GPR183: variants seen among roughly 807,000 people sequenced by gnomAD.
The protein encoded by GPR183 is EBV-induced G-protein coupled receptor 2.
A neutral mutation model predicts 19.7 loss-of-function variants in GPR183; 9 were observed. The observed-to-expected ratio is 0.46, with a 90% CI of 0.28 to 0.80. GPR183 has a LOEUF of 0.80. GPR183 is among the 30% of genes least tolerant of loss of function. The probability of loss-of-function intolerance (pLI) is 0.13; values close to 1 mark genes in which losing one functional copy is unlikely to be tolerated. For synonymous variants in GPR183, 160 were observed against 155.1 expected, an observed-to-expected ratio of 1.03 and a Z score of -0.24; for missense variants, 368 against 446.7, an observed-to-expected ratio of 0.82 and a Z score of 1.59.
chr13:99,295,051 C>A lies in GPR183; in HGVS notation c.*9G>T, dbSNP rs1463792498. ...GTTTACGTCACTATAAACCAAAATA[C>A]AATCCATTTCACTTTCCATTTGAAG... On this transcript the variant is annotated 3_prime_UTR_variant, in exon 2 of 2. Coordinates refer to ENST00000376414, the MANE Select transcript of GPR183 (RefSeq NM_004951.5). This position sits in a 1 kb window ranked among gnomAD's most constrained non-coding sequence, Gnocchi z 4.1. The A allele has an allele frequency of 1.9e-6, 3 of 1,609,510 alleles. No individual in the cohort carries two copies. Among genetic ancestry groups the A allele is most frequent in the Non-Finnish European group, 2.5e-6 (3 of 1,177,772 alleles).
In GPR183 at chr13:99,296,060, G is replaced by A. The variant is rs200374704; in HGVS notation, c.86C>T (p.Thr29Met). Residue 29 changes from threonine to methionine, a missense_variant, in exon 2 of 2, where the codon ACG becomes ATG. Transcript: ENST00000376414. The stretch of plus-strand genomic sequence containing the variant: ...ATGCAGAGGCATTACTATCCTGGCC[G>A]TGCTGTGATGTGCATAGAGGTCACA... ...NDCDLYAHHS[T>M]ARIVMPLHYS... 1.9e-4 allele frequency: 313 copies of A among 1,614,004 alleles called. No individual in the cohort carries two copies. The East Asian group carries it at 5.8e-3, about 30-fold the overall frequency.
intron 1 of GPR183, among the ~76,000 whole-genome samples, chr13:99,299,116 G>A (rs904097324): frequency 6.6e-6 from 1 of 152,138 alleles, no homozygotes; most frequent in African/African-American, 2.4e-5. Flanking sequence ...ACACTCAGAG[G>A]TGCCATTGCT....
chr13:99,303,786 C>T (rs1031320378), intron 1 of GPR183, among the ~76,000 whole-genome samples: 1 of 152,136 alleles, frequency 6.6e-6, no homozygotes, highest in African/African-American at 2.4e-5. Flanking sequence ...TAGGGAGGAA[C>T]ATTAAATATC....
At position 99,295,594 on chromosome 13, in the gene GPR183, A is replaced by G. The variant is rs1439949395; in HGVS notation, c.552T>C (p.Tyr184=). The change falls in exon 2 of 2, where the codon TAT becomes TAC. Residue 184 remains tyrosine (Y), a synonymous_variant. Coordinates refer to ENST00000376414, the MANE Select transcript of GPR183 (RefSeq NM_004951.5). This position sits in a 1 kb window ranked among gnomAD's most constrained non-coding sequence, Gnocchi z 4.1. ...GAGATTTAGTTTCTTCAAAGTTTGG[A>G]TACTCCATGCATGTAATCCTTTCAG... ...QEAERITCME[Y]PNFEETKSLP... 2.5e-6 allele frequency: 4 copies of G among 1,614,084 alleles called. No homozygotes were observed. The highest frequency in any genetic ancestry group is 2.5e-6 in the Non-Finnish European group (3 of 1,180,016).
Position 99,295,386 on chromosome 13 carries a change from C to T in GPR183, c.760G>A (p.Val254Ile), listed in dbSNP as rs911224124. 1.2e-6 allele frequency: 2 copies of T among 1,614,004 alleles called. No individual in the cohort carries two copies. Among genetic ancestry groups the T allele is most frequent in the South Asian group, 2.2e-5 (2 of 91,070 alleles). The change falls in exon 2 of 2, where the codon GTT becomes ATT. Residue 254 changes from valine to isoleucine, a missense_variant. Val to Ile is a conservative substitution (Grantham distance 29). Transcript: ENST00000376414. This position sits in a 1 kb window ranked among gnomAD's most constrained non-coding sequence, Gnocchi z 4.1. ...ACATGGTAAGGTGTGAAACAGAGAACAAACACAACAATAATAAGAATAATT... is the reference window on the plus strand; with the variant it reads ...ACATGGTAAGGTGTGAAACAGAGAATAAACACAACAATAATAAGAATAATT... ...NTIILIIVVF[V>I]LCFTPYHVAI...
intron 1 of GPR183, among the ~76,000 whole-genome samples, chr13:99,299,899 G>A (rs1443483330): frequency 1.3e-5 from 2 of 152,118 alleles, no homozygotes; most frequent in South Asian, 2.1e-4. Flanking sequence ...TAAAAGCCAC[G>A]CTGGGCTTAA....
chr13:99,300,002 A>G (rs1201546954), intron 1 of GPR183, among the ~76,000 whole-genome samples: 2 of 152,176 alleles, frequency 1.3e-5, no homozygotes, highest in Admixed American at 1.3e-4. Flanking sequence ...TGCTGCCCTT[A>G]AAGAACTGAG....
chr13:99,295,232 G>A lies in GPR183; in HGVS notation c.914C>T (p.Pro305Leu). The change falls in exon 2 of 2, where the codon CCT becomes CTT. Residue 305 changes from proline (P) to leucine (L), a missense_variant. By Grantham distance (98) the Pro-to-Leu change is moderately conservative (BLOSUM62 -3). Coordinates refer to ENST00000376414, the MANE Select transcript of GPR183 (RefSeq NM_004951.5). The surrounding 1 kb of genome is among the most constrained non-coding windows in gnomAD (Gnocchi z 4.1). ...TTTACATGCAAAGAAGTAGATAAAAGGGTCCATGCAGCAATTGAAGTTCAT... is the reference window on the plus strand; with the variant it reads ...TTTACATGCAAAGAAGTAGATAAAAAGGTCCATGCAGCAATTGAAGTTCAT... ...CLMNFNCCMDPFIYFFACKGY... is the reference protein window; with the variant it reads ...CLMNFNCCMDLFIYFFACKGY... 1 of 1,614,124 alleles carries A rather than the reference G, an allele frequency of 6.2e-7. No homozygotes were observed. Among genetic ancestry groups the A allele is most frequent in the African/African-American group, 1.3e-5 (1 of 75,050 alleles).
chr13:99,296,175 C>CATA lies in GPR183; in HGVS notation c.-18-13_-18-12insTAT, dbSNP rs749937280. 31 of 1,534,764 alleles carry CATA rather than the reference C, an allele frequency of 2.0e-5. No individual in the cohort carries two copies. The highest frequency in any genetic ancestry group is 1.8e-4 in the Middle Eastern group (1 of 5,684). On this transcript the variant is annotated splice_polypyrimidine_tract_variant and intron_variant, in intron 1 of 1. Transcript: ENST00000376414. ...GGTGGTCCAGGTGTCTAGAAAAAAACCAAGAAGGATCATATAAGTAAAAGC... is the reference window on the plus strand; with the variant it reads ...GGTGGTCCAGGTGTCTAGAAAAAAACATACAAGAAGGATCATATAAGTAAAAGC...
chr13:99,294,975 C>A lies in GPR183; in HGVS notation c.*85G>T, dbSNP rs1594097146. The A allele has an allele frequency of 7.0e-7, 1 of 1,434,638 alleles. No homozygotes were observed. Among genetic ancestry groups the A allele is most frequent in the East Asian group, 2.3e-5 (1 of 43,622 alleles). 88.9% of individuals were successfully genotyped at this position (1,434,638 alleles called of 1,614,324 possible). ...AATATAAAAGAATACTAATTGGAAG[C>A]TGAACAATTATTTTGCTTTATAAGG... is the stretch of plus-strand genomic sequence containing the variant. On this transcript the variant is annotated 3_prime_UTR_variant, in exon 2 of 2. Coordinates refer to ENST00000376414, the MANE Select transcript of GPR183 (RefSeq NM_004951.5).
At position 99,295,050 on chromosome 13, in the gene GPR183, A is replaced by G. The variant is rs369336452; in HGVS notation, c.*10T>C. On this transcript the variant is annotated 3_prime_UTR_variant, in exon 2 of 2. Transcript: ENST00000376414. This position sits in a 1 kb window ranked among gnomAD's most constrained non-coding sequence, Gnocchi z 4.1. ...AGTTTACGTCACTATAAACCAAAAT[A>G]CAATCCATTTCACTTTCCATTTGAA... 6 of 1,609,794 alleles carry G rather than the reference A, an allele frequency of 3.7e-6. No individual in the cohort carries two copies. The highest frequency in any genetic ancestry group is 3.3e-4 in the Middle Eastern group (2 of 6,054).
chr13:99,297,038 C>T (rs940455530), intron 1 of GPR183, among the ~76,000 whole-genome samples: 4 of 152,160 alleles, frequency 2.6e-5, no homozygotes, highest in Non-Finnish European at 4.4e-5. Flanking sequence ...TTTATATAAA[C>T]ATTTGATAGA....
Position 99,295,486 on chromosome 13 carries a change from G to A in GPR183, c.660C>T (p.Cys220=). The change falls in exon 2 of 2, where the codon TGC becomes TGT. Residue 220 remains cysteine, a synonymous_variant. Transcript: ENST00000376414. This position sits in a 1 kb window ranked among gnomAD's most constrained non-coding sequence, Gnocchi z 4.1. ...IIILICYSQI[C]CKLFRTAKQN... is the part of the protein sequence containing the mutation. ...GTTTGGCAGTTCTGAAGAGTTTGCAGCAGATCTGAGAATAGCAGATGAGAA... is the reference window on the plus strand; with the variant it reads ...GTTTGGCAGTTCTGAAGAGTTTGCAACAGATCTGAGAATAGCAGATGAGAA... The A allele has an allele frequency of 6.2e-7, 1 of 1,613,952 alleles. No individual in the cohort carries two copies.
At position 99,295,296 on chromosome 13, in the gene GPR183, G is replaced by A. The variant is rs62637588; in HGVS notation, c.850C>T (p.His284Tyr). 5.4e-4 allele frequency: 864 copies of A among 1,614,140 alleles called. 3 individuals are homozygous for A. In the African/African-American group the frequency reaches 0.01, roughly 19 times the overall value. ...AAGTGCAGAGAAATCTGGAACGAAT[G>A]TCTTTGGCTACATTCCAGGAAATTA... ...FSNFLECSQR[H>Y]SFQISLHFTV... The change falls in exon 2 of 2, where the codon CAT becomes TAT. Residue 284 changes from histidine (H) to tyrosine (Y), a missense_variant. Transcript: ENST00000376414. The surrounding 1 kb of genome is among the most constrained non-coding windows in gnomAD (Gnocchi z 4.1).
chr13:99,305,070 G>A (rs1235369039), intron 1 of GPR183, among the ~76,000 whole-genome samples: 2 of 152,134 alleles, frequency 1.3e-5, no homozygotes, highest in East Asian at 1.9e-4. Flanking sequence ...TGGATTTAGA[G>A]TACTGTTTTA....
intron 1 of GPR183, 33 bp from the exon 2 acceptor site, chr13:99,296,196 A>G: frequency 6.7e-7 from 1 of 1,503,604 alleles, no homozygotes; most frequent in Non-Finnish European, 8.9e-7. Context: ...CATATAAGTA[A>G]AAGCATATGT....
At chr13:99,301,518 G>A (rs1252405419) in intron 1 of GPR183, among the ~76,000 whole-genome samples, 3 of 152,020 alleles carry the variant, frequency 2.0e-5, no homozygotes, top group African/African-American at 7.3e-5. Flanking sequence ...GAGCCTGTGT[G>A]TTTTTTTCTC....
At chr13:99,300,281 G>A (rs191209442) in intron 1 of GPR183, among the ~76,000 whole-genome samples, 5 of 152,370 alleles carry the variant, frequency 3.3e-5, no homozygotes, top group South Asian at 2.1e-4. Context: ...GAATGTGGAC[G>A]TGTAAGTGGG....
chr13:99,301,533 ATG>A (rs1338439784), intron 1 of GPR183, among the ~76,000 whole-genome samples: 1 of 152,150 alleles, frequency 6.6e-6, no homozygotes, highest in Non-Finnish European at 1.5e-5. Context: ...TTTCTCTAGA[ATG>A]TATTTCATTG....
Sources: allele counts gnomAD v4.1 joint callset (sites outside exome capture counted in the v4.1 genomes callset), GRCh38; gene constraint gnomAD v4.1.1; non-coding constraint Gnocchi (gnomAD v3.1); transcripts MANE v1.5; gene names NCBI Gene and HGNC (gene_info 2026-07-23, HGNC 2026-07-21).